SNAP25: variants seen among roughly 807,000 people sequenced by gnomAD.
SNAP25 encodes synaptosome associated protein 25.
SNAP25 carries 3 observed loss-of-function variants against 28.7 expected under a neutral mutation model. The ratio of observed to expected loss-of-function variants is 0.10; its 90% CI spans 0.05 to 0.27. The LOEUF (loss-of-function observed/expected upper bound fraction) is 0.27. Ranked by LOEUF, SNAP25 falls within the 10% of genes least tolerant of loss-of-function variation. SNAP25 has a pLI of 1.00. For missense variants in SNAP25, 117 were observed against 278.7 expected (o/e 0.42, Z 4.13); for synonymous variants, 61 against 88.1 (o/e 0.69, Z 1.72).
chr20:10,238,639 G>T (rs1310790279), intron 1 of SNAP25, among the ~76,000 whole-genome samples: 1 of 152,176 alleles, frequency 6.6e-6, no homozygotes, highest in African/African-American at 2.4e-5. Context: ...GTTGGGCGTG[G>T]TGGCTCATGC....
At chr20:10,297,799 C>G (rs1035984094) in intron 6 of SNAP25, among the ~76,000 whole-genome samples, 11 of 152,152 alleles carry the variant, frequency 7.2e-5, no homozygotes, top group South Asian at 6.2e-4. Context: ...GTAAGAGGAG[C>G]TGGGTGATAT....
intron 1 of SNAP25, among the ~76,000 whole-genome samples, chr20:10,238,670 G>A (rs2062966552): frequency 6.6e-6 from 1 of 152,144 alleles, no homozygotes; most frequent in Non-Finnish European, 1.5e-5. Flanking sequence ...AGCACTTTGA[G>A]AGGCCGAGGC....
Position 10,299,420 on chromosome 20 carries a change from C to T in SNAP25, c.552+8C>T, listed in dbSNP as rs528347276. The T allele has an allele frequency of 5.2e-5, 83 of 1,610,258 alleles. No individual in the cohort carries two copies. The highest frequency in any genetic ancestry group is 6.6e-5 in the South Asian group (6 of 90,850). ...GACAGGATCATGGAGAAGGTGAGCA[C>T]GTGGCAGTCAGCAAGTCCCTACTGC... On this transcript the variant is annotated splice_region_variant and intron_variant, in intron 7 of 7. Transcript: ENST00000254976.
intron 1 of SNAP25, among the ~76,000 whole-genome samples, chr20:10,227,251 G>T (rs1480074569): frequency 6.6e-6 from 1 of 152,074 alleles, no homozygotes. Context: ...ACACTGCTTT[G>T]TAGTTACCTA....
intron 1 of SNAP25, among the ~76,000 whole-genome samples, chr20:10,239,457 T>C (rs990643579): frequency 2.0e-5 from 3 of 152,252 alleles, no homozygotes; most frequent in African/African-American, 7.2e-5. Flanking sequence ...ATTGAATTCT[T>C]TCTTGGCCCA....
chr20:10,297,727 C>A (rs1283176783), intron 6 of SNAP25, among the ~76,000 whole-genome samples: 1 of 152,132 alleles, frequency 6.6e-6, no homozygotes, highest in Non-Finnish European at 1.5e-5. Flanking sequence ...TGCTGTAGCC[C>A]CTCACTCCTC....
At position 10,306,373 on chromosome 20, in the gene SNAP25, C is replaced by A; in HGVS notation, c.*176C>A. ...AACAATACTTTGTGTCTTTTGTTCT[C>A]TCTTGGTCTCTTTCTTTCCAAAGGT... On this transcript the variant is annotated 3_prime_UTR_variant, in exon 8 of 8. Transcript: ENST00000254976. 2 of 559,598 alleles carry A rather than the reference C, an allele frequency of 3.6e-6. No individual in the cohort carries two copies. 34.7% of individuals were successfully genotyped at this position (559,598 alleles called of 1,614,324 possible).
intron 7 of SNAP25, among the ~76,000 whole-genome samples, chr20:10,299,813 A>G (rs2064192654): frequency 6.6e-6 from 1 of 152,234 alleles, no homozygotes; most frequent in Admixed American, 6.5e-5. Flanking sequence ...ACAAGGTTAG[A>G]TAAGGAAAGA....
intron 1 of SNAP25, among the ~76,000 whole-genome samples, chr20:10,220,104 T>C (rs897132970): frequency 6.6e-6 from 1 of 152,230 alleles, no homozygotes; most frequent in Non-Finnish European, 1.5e-5. Flanking sequence ...ACTGTATATA[T>C]GAAGAAGCCA....
intron 1 of SNAP25, among the ~76,000 whole-genome samples, chr20:10,264,734 C>G (rs1446891162): frequency 1.3e-5 from 2 of 152,098 alleles, no homozygotes; most frequent in Non-Finnish European, 2.9e-5. Context: ...ACCTTCAGCC[C>G]TAAGTCATGC....
chr20:10,300,322 A>G (rs1448629924), intron 7 of SNAP25, among the ~76,000 whole-genome samples: 2 of 152,230 alleles, frequency 1.3e-5, no homozygotes, highest in Admixed American at 1.3e-4. Flanking sequence ...TCCATGTTTC[A>G]TGCCCTTTCC....
At chr20:10,268,733 A>G (rs1009852398) in intron 1 of SNAP25, among the ~76,000 whole-genome samples, 2 of 152,174 alleles carry the variant, frequency 1.3e-5, no homozygotes, top group Admixed American at 1.3e-4. Context: ...TCCTCATGTC[A>G]TTAAGGTTTC....
rs375161376 is a variant in SNAP25, at chr20:10,299,421, G to A, written c.552+9G>A. 82 of 1,610,446 alleles carry A rather than the reference G, an allele frequency of 5.1e-5. No individual in the cohort carries two copies. Among genetic ancestry groups the A allele is most frequent in the South Asian group, 8.8e-5 (8 of 90,856 alleles). On this transcript the variant is annotated intron_variant, in intron 7 of 7. Transcript: ENST00000254976. ...ACAGGATCATGGAGAAGGTGAGCACGTGGCAGTCAGCAAGTCCCTACTGCG... is the reference window on the plus strand; with the variant it reads ...ACAGGATCATGGAGAAGGTGAGCACATGGCAGTCAGCAAGTCCCTACTGCG...
intron 1 of SNAP25, among the ~76,000 whole-genome samples, chr20:10,230,348 A>G (rs1050440766): frequency 6.6e-6 from 1 of 152,164 alleles, no homozygotes; most frequent in Admixed American, 6.5e-5. Context: ...GTAGGAATTG[A>G]TGAGTCTTTG....
At position 10,223,190 on chromosome 20, in the gene SNAP25, C is replaced by T. The variant is rs566791966; in HGVS notation, c.-64+4213C>T. Among the ~76,000 whole-genome samples, 208 of 152,284 alleles carry T rather than the reference C, an allele frequency of 1.4e-3. 2 individuals are homozygous for T. Among genetic ancestry groups the T allele is most frequent in the Admixed American group, 4.8e-3 (73 of 15,300 alleles). On this transcript the variant is annotated intron_variant, in intron 1 of 7. Coordinates refer to ENST00000254976, the MANE Select transcript of SNAP25 (RefSeq NM_130811.4). ...CTGGAATGGGTAGTATATCAGATTT[C>T]TTTCCCTGCCTATTTTGCTGACTCT... is the stretch of plus-strand genomic sequence containing the variant.
intron 1 of SNAP25, among the ~76,000 whole-genome samples, chr20:10,227,112 C>T (rs138293127): frequency 1.5e-3 from 235 of 152,202 alleles, no homozygotes; most frequent in African/African-American, 5.2e-3. Flanking sequence ...TTCAGTGATT[C>T]GGGATCAAGT....
At chr20:10,240,881 C>T (rs997231446) in intron 1 of SNAP25, among the ~76,000 whole-genome samples, 1 of 152,190 alleles carries the variant, frequency 6.6e-6, no homozygotes, top group Non-Finnish European at 1.5e-5. Flanking sequence ...CAGTGTTTGC[C>T]ATTAGCGACC....
chr20:10,300,432 A>G (rs1442394021), intron 7 of SNAP25, among the ~76,000 whole-genome samples: 5 of 152,216 alleles, frequency 3.3e-5, no homozygotes, highest in Non-Finnish European at 7.3e-5. Flanking sequence ...TTGTACATCT[A>G]TAATCTACTC....
chr20:10,268,261 GA>G (rs1173982702), intron 1 of SNAP25, among the ~76,000 whole-genome samples: 1 of 152,100 alleles, frequency 6.6e-6, no homozygotes, highest in African/African-American at 2.4e-5. Flanking sequence ...ACCTCCACCA[GA>G]AAACAGGCAG....
Sources: allele counts gnomAD v4.1 joint callset (sites outside exome capture counted in the v4.1 genomes callset), GRCh38; gene constraint gnomAD v4.1.1; transcripts MANE v1.5; gene names NCBI Gene and HGNC (gene_info 2026-07-23, HGNC 2026-07-21).